Variants in CPM observed in about 807,000 individuals in gnomAD.
The protein encoded by CPM is renal carboxypeptidase.
CPM carries 35 observed loss-of-function variants against 46.4 expected under a neutral mutation model. The ratio of observed to expected loss-of-function variants is 0.75; its 90% CI spans 0.58 to 1.00. The LOEUF is 1.00. Ranked by LOEUF, CPM falls within the 50% of genes least tolerant of loss-of-function variation. The pLI, the probability that CPM is intolerant of heterozygous loss-of-function variation, is 0.00. For missense variants in CPM, 422 were observed against 530.4 expected, an observed-to-expected ratio of 0.80 and a Z score of 2.01; for synonymous variants, 195 against 195.3, an observed-to-expected ratio of 1.00 and a Z score of 0.01.
upstream of CPM, among the ~76,000 whole-genome samples, chr12:68,937,899 C>T (rs947133952): frequency 3.3e-5 from 5 of 152,094 alleles, no homozygotes; most frequent in African/African-American, 1.2e-4. Flanking sequence ...TAGAGAGGAC[C>T]AATGACTAAT....
intron 1 of CPM, among the ~76,000 whole-genome samples, chr12:68,949,926 C>G (rs1888908296): frequency 6.6e-6 from 1 of 152,162 alleles, no homozygotes; most frequent in South Asian, 2.1e-4. Context: ...CTGGAAGAGT[C>G]TGCTTCCCTT....
At chr12:68,929,359 T>C (rs1475402261) in intron 2 of CPM, among the ~76,000 whole-genome samples, 1 of 152,154 alleles carries the variant, frequency 6.6e-6, no homozygotes, top group African/African-American at 2.4e-5. Flanking sequence ...GGCATCCTTC[T>C]AGACAAAGGG....
chr12:68,915,390 C>T (rs1887763184), intron 2 of CPM, among the ~76,000 whole-genome samples: 1 of 152,180 alleles, frequency 6.6e-6, no homozygotes, highest in Non-Finnish European at 1.5e-5. Context: ...CTTCTTGCAG[C>T]ACAGTCCCAC....
chr12:68,870,525 C>G, intron 4 of CPM, 126 bp from the exon 5 acceptor site: 1 of 795,386 alleles, frequency 1.3e-6, no homozygotes, highest in South Asian at 1.8e-5. Context: ...TGGTGGATGG[C>G]TGCCCTTGTG....
At chr12:68,961,668 C>A (rs548875877) in intron 1 of CPM, among the ~76,000 whole-genome samples, 1 of 151,652 alleles carries the variant, frequency 6.6e-6, no homozygotes, top group South Asian at 2.1e-4. Context: ...AATCCCAGCA[C>A]TTTGGGAGGC....
At chr12:68,912,563 G>A (rs941903368) in intron 2 of CPM, among the ~76,000 whole-genome samples, 3 of 152,150 alleles carry the variant, frequency 2.0e-5, no homozygotes, top group African/African-American at 7.2e-5. Flanking sequence ...AAGAAAAGGC[G>A]TTATTAAACT....
intron 2 of CPM, among the ~76,000 whole-genome samples, chr12:68,912,207 A>G (rs1887625545): frequency 6.6e-6 from 1 of 152,098 alleles, no homozygotes; most frequent in East Asian, 1.9e-4. Flanking sequence ...GGGCTTCACC[A>G]TTTTGGCCAG....
intron 2 of CPM, among the ~76,000 whole-genome samples, chr12:68,911,280 T>C (rs1389506579): frequency 2.6e-5 from 4 of 152,144 alleles, no homozygotes; most frequent in Admixed American, 2.0e-4. Context: ...TTCTATAAAA[T>C]AGAGGGTCTG....
At position 68,870,219 on chromosome 12, in the gene CPM, A is replaced by G. The variant is rs1183257756; in HGVS notation, c.612T>C (p.Val204=). ...ACTGGACCCGCACCTGCTTACCTTG[A>G]ACACCATTATCAAATGGGTAACTGG... ...LVASYPFDNG[V]QATGALYSRS... The change falls in exon 5 of 9, where the codon GTT becomes GTC. Residue 204 remains valine (V), a synonymous_variant. Transcript: ENST00000551568. The G allele has an allele frequency of 6.2e-7, 1 of 1,613,350 alleles. No homozygotes were observed. The highest frequency in any genetic ancestry group is 8.5e-7 in the Non-Finnish European group (1 of 1,179,718).
chr12:68,877,345 A>C (rs1886004000), intron 3 of CPM, among the ~76,000 whole-genome samples: 1 of 152,218 alleles, frequency 6.6e-6, no homozygotes, highest in Non-Finnish European at 1.5e-5. Context: ...TATTCAATAA[A>C]TAATTGCTAA....
chr12:68,925,662 G>A (rs571781293), intron 2 of CPM, among the ~76,000 whole-genome samples: 28 of 152,278 alleles, frequency 1.8e-4, no homozygotes, highest in African/African-American at 4.8e-4. Flanking sequence ...TGTGTAGTAT[G>A]ATTGCAGTCT....
At chr12:68,951,374 G>A (rs1888932352) in intron 1 of CPM, among the ~76,000 whole-genome samples, 1 of 152,204 alleles carries the variant, frequency 6.6e-6, no homozygotes, top group Non-Finnish European at 1.5e-5. Flanking sequence ...ATACAGGCAA[G>A]TTAACTAGAG....
intron 1 of CPM, among the ~76,000 whole-genome samples, chr12:68,949,192 G>A (rs546237815): frequency 6.6e-4 from 100 of 152,198 alleles, no homozygotes; most frequent in Non-Finnish European, 7.2e-4. Flanking sequence ...CCAACATGGC[G>A]AAAGCTCATC....
intron 2 of CPM, among the ~76,000 whole-genome samples, chr12:68,919,962 G>A (rs1371528208): frequency 6.6e-6 from 1 of 152,204 alleles, no homozygotes; most frequent in Admixed American, 6.5e-5. Context: ...GGAGCCTGGT[G>A]GGAGACGTTT....
In CPM at chr12:68,859,087, A is replaced by G. The variant is rs759389740; in HGVS notation, c.941-16T>C. On this transcript the variant is annotated splice_polypyrimidine_tract_variant and intron_variant, in intron 7 of 8. Transcript: ENST00000551568. Reference sequence around the variant, plus strand: ...CCCTTTACACCTGCAAGACAAAAATAAAATTAAATATTAATACCATATTTT... The same window carrying G: ...CCCTTTACACCTGCAAGACAAAAATGAAATTAAATATTAATACCATATTTT... 9 of 1,405,754 alleles carry G rather than the reference A, an allele frequency of 6.4e-6. No individual in the cohort carries two copies. Among genetic ancestry groups the G allele is most frequent in the Middle Eastern group, 2.5e-4 (1 of 3,924 alleles). The allele number at this position is 1,405,754 out of a possible 1,614,324, so 87.1% of individuals were successfully genotyped here.
At chr12:68,844,626 G>T in intron 5 of CPM, 1 of 228,034 alleles carries the variant, frequency 4.4e-6, no homozygotes. Context: ...TCTTGATTGT[G>T]AGGCACAAAT....
At chr12:68,913,438 C>G (rs1887681129) in intron 2 of CPM, among the ~76,000 whole-genome samples, 1 of 152,240 alleles carries the variant, frequency 6.6e-6, no homozygotes, top group Admixed American at 6.5e-5. Flanking sequence ...TTGCCTAACC[C>G]AACACCCACG....
At chr12:68,936,410 G>A (rs1422939734), upstream of CPM, among the ~76,000 whole-genome samples, 1 of 151,938 alleles carries the variant, frequency 6.6e-6, no homozygotes, top group African/African-American at 2.4e-5. Context: ...TTGAGATAGA[G>A]TCTTGCTCTG....
At chr12:68,916,782 G>A (rs1411005433) in intron 2 of CPM, among the ~76,000 whole-genome samples, 4 of 151,744 alleles carry the variant, frequency 2.6e-5, no homozygotes, top group Non-Finnish European at 5.9e-5. Flanking sequence ...CCAGCTACTC[G>A]GGGGCTGAGG....
Sources: allele counts gnomAD v4.1 joint callset (sites outside exome capture counted in the v4.1 genomes callset), GRCh38; gene constraint gnomAD v4.1.1; transcripts MANE v1.5; gene names NCBI Gene and HGNC (gene_info 2026-07-23, HGNC 2026-07-21).